Variants in KCNB2 observed in about 807,000 individuals in gnomAD.
KCNB2 encodes the protein potassium voltage-gated channel subfamily B member 2, also known as delayed rectifier potassium channel protein.
In KCNB2, 15 loss-of-function variants were observed where a neutral mutation model predicts 61.5. That is an observed-to-expected ratio of 0.24 (90% CI 0.16 to 0.38). KCNB2 has a LOEUF of 0.38. Ranked by LOEUF, KCNB2 falls within the 10% of genes least tolerant of loss-of-function variation. The probability of loss-of-function intolerance (pLI) is 1.00; values close to 1 mark genes in which losing one functional copy is unlikely to be tolerated. For synonymous variants in KCNB2, 457 were observed against 446.0 expected (o/e 1.02, Z -0.31); for missense variants, 828 against 1,125.2 (o/e 0.74, Z 3.78).
chr8:72,869,018 T>C (rs1805576694), intron 2 of KCNB2, among the ~76,000 whole-genome samples: 1 of 152,148 alleles, frequency 6.6e-6, no homozygotes, highest in Non-Finnish European at 1.5e-5. Context: ...AGGGGATAGT[T>C]GTTGGTAAGA....
At chr8:72,608,879 A>T (rs960612662) in intron 2 of KCNB2, among the ~76,000 whole-genome samples, 4 of 152,176 alleles carry the variant, frequency 2.6e-5, no homozygotes, top group African/African-American at 9.7e-5. Flanking sequence ...TATCATATTG[A>T]TGTCAACCAT....
intron 2 of KCNB2, among the ~76,000 whole-genome samples, chr8:72,718,816 T>A (rs1446629824): frequency 6.6e-6 from 1 of 152,030 alleles, no homozygotes; most frequent in Non-Finnish European, 1.5e-5. Flanking sequence ...AGCATAATAA[T>A]AATAAAATAA....
chr8:72,719,828 T>C (rs1335082215), intron 2 of KCNB2, among the ~76,000 whole-genome samples: 1 of 151,862 alleles, frequency 6.6e-6, no homozygotes, highest in Non-Finnish European at 1.5e-5. Context: ...TGAAAAACAA[T>C]GAGCCAAAAA....
At chr8:72,693,845 C>T (rs889000543) in intron 2 of KCNB2, among the ~76,000 whole-genome samples, 1 of 152,192 alleles carries the variant, frequency 6.6e-6, no homozygotes, top group Non-Finnish European at 1.5e-5. Context: ...CCCTGCTTAT[C>T]TAAAAATCAG....
rs1805571236 is a variant in KCNB2 at position 72,613,515 on chromosome 8, A to G, written c.579+45202A>G. Among the ~76,000 whole-genome samples, 6 of 152,232 alleles carry G rather than the reference A, an allele frequency of 3.9e-5. No homozygotes were observed. The South Asian group carries it at 1.0e-3, about 26-fold the overall frequency. ...CAGCATTTGACTTGGAAGAAACAAA[A>G]TATAAAAATAAAATCCCTGTTATAT... On this transcript the variant is annotated intron_variant, in intron 2 of 2. Transcript: ENST00000523207.
intron 2 of KCNB2, among the ~76,000 whole-genome samples, chr8:72,727,446 G>A (rs1263771300): frequency 1.3e-5 from 2 of 152,268 alleles, no homozygotes; most frequent in East Asian, 1.9e-4. Context: ...TAGCACATAT[G>A]TATAACTTTA....
chr8:72,882,411 C>T (rs551416209), intron 2 of KCNB2, among the ~76,000 whole-genome samples: 2 of 152,090 alleles, frequency 1.3e-5, no homozygotes, highest in Non-Finnish European at 2.9e-5. Flanking sequence ...GTTCATCACG[C>T]GGTGAGTGCC....
chr8:72,903,831 A>AT (rs1806127441), intron 2 of KCNB2, among the ~76,000 whole-genome samples: 4 of 152,138 alleles, frequency 2.6e-5, no homozygotes, highest in Non-Finnish European at 5.9e-5. Context: ...CCTAGGTTTT[A>AT]GAAGGAAAAA....
intron 2 of KCNB2, among the ~76,000 whole-genome samples, chr8:72,792,922 C>T (rs564395214): frequency 2.0e-5 from 3 of 152,270 alleles, no homozygotes; most frequent in African/African-American, 4.8e-5. Context: ...GATTAAATAT[C>T]TTAGAATTTA....
intron 2 of KCNB2, among the ~76,000 whole-genome samples, chr8:72,681,056 A>G (rs1217377440): frequency 2.6e-5 from 4 of 152,210 alleles, no homozygotes; most frequent in African/African-American, 9.7e-5. Flanking sequence ...ACAGATGGGA[A>G]TGACAACTGG....
chr8:72,814,100 A>C (rs1809350188), intron 2 of KCNB2, among the ~76,000 whole-genome samples: 3 of 151,872 alleles, frequency 2.0e-5, no homozygotes, highest in Non-Finnish European at 4.4e-5. Context: ...AGTGAGAACA[A>C]GAGTGCATGC....
chr8:72,702,296 C>T (rs771458423), intron 2 of KCNB2, among the ~76,000 whole-genome samples: 1 of 152,072 alleles, frequency 6.6e-6, no homozygotes, highest in Non-Finnish European at 1.5e-5. Flanking sequence ...CCCTACCCTC[C>T]GCTTGTCATT....
At chr8:72,648,010 T>C (rs1295807487) in intron 2 of KCNB2, among the ~76,000 whole-genome samples, 1 of 152,060 alleles carries the variant, frequency 6.6e-6, no homozygotes, top group African/African-American at 2.4e-5. Flanking sequence ...AATGGTCAGG[T>C]GTAGGCTAGA....
chr8:72,556,388 G>A (rs894142662), intron 1 of KCNB2, among the ~76,000 whole-genome samples: 1 of 152,062 alleles, frequency 6.6e-6, no homozygotes, highest in African/African-American at 2.4e-5. Flanking sequence ...GAGAGAGGGG[G>A]CAGGGGAGAG....
chr8:72,894,674 T>A (rs1347747254), intron 2 of KCNB2, among the ~76,000 whole-genome samples: 1 of 152,144 alleles, frequency 6.6e-6, no homozygotes, highest in Non-Finnish European at 1.5e-5. Flanking sequence ...CCTTCCCAAT[T>A]CATCCTGTTT....
chr8:72,934,461 C>A (rs1399846333), intron 2 of KCNB2, among the ~76,000 whole-genome samples: 2 of 142,968 alleles, frequency 1.4e-5, no homozygotes, highest in Non-Finnish European at 3.0e-5. Flanking sequence ...AGGAGAATAA[C>A]CCAGAAGTGG....
intron 2 of KCNB2, among the ~76,000 whole-genome samples, chr8:72,581,127 GC>G (rs1806886780): frequency 6.6e-6 from 1 of 152,030 alleles, no homozygotes; most frequent in African/African-American, 2.4e-5. Context: ...TTTCCACATG[GC>G]TATATCCATC....
chr8:72,597,001 C>CTTTTTTTT lies in KCNB2; in HGVS notation c.579+28722_579+28729dup, dbSNP rs869160203. ...GCATGCTTGCTTGCTTGCTTGCTTG[C>CTTTTTTTT]TTTTTTTTTTTTTTTTTTTTTTTTT... On this transcript the variant is annotated intron_variant, in intron 2 of 2. Coordinates refer to ENST00000523207, the MANE Select transcript of KCNB2 (RefSeq NM_004770.3). Among the ~76,000 whole-genome samples, 176 of 64,638 alleles carry CTTTTTTTT rather than the reference C, an allele frequency of 2.7e-3. 31 individuals carry two copies. Among genetic ancestry groups the CTTTTTTTT allele is most frequent in the East Asian group, 4.4e-3 (7 of 1,590 alleles). 42.4% of individuals were successfully genotyped at this position (64,638 alleles called of 152,430 possible). A position where few individuals can be genotyped will look rare whatever the true frequency, so the allele number is the denominator to read the frequency against.
intron 2 of KCNB2, among the ~76,000 whole-genome samples, chr8:72,678,543 A>G (rs1370293648): frequency 6.6e-6 from 1 of 152,208 alleles, no homozygotes; most frequent in African/African-American, 2.4e-5. Flanking sequence ...CATTTCTGCC[A>G]GGTGGCCATA....
Sources: allele counts gnomAD v4.1 joint callset (sites outside exome capture counted in the v4.1 genomes callset), GRCh38; gene constraint gnomAD v4.1.1; transcripts MANE v1.5; gene names NCBI Gene and HGNC (gene_info 2026-07-23, HGNC 2026-07-21).